Variants in KDM3A observed in about 807,000 individuals in gnomAD.
The protein encoded by KDM3A is lysine-specific demethylase 3A.
A neutral mutation model predicts 158.0 loss-of-function variants in KDM3A; 60 were observed. The observed-to-expected ratio is 0.38, with a 90% CI of 0.31 to 0.47. KDM3A has a LOEUF of 0.47. Ranked by LOEUF, KDM3A falls within the 20% of genes least tolerant of loss-of-function variation. The probability of loss-of-function intolerance (pLI) is 0.99; values close to 1 mark genes in which losing one functional copy is unlikely to be tolerated. For synonymous variants in KDM3A, 608 were observed against 549.3 expected, an observed-to-expected ratio of 1.11 and a Z score of -1.49; for missense variants, 1,319 against 1,574.3, an observed-to-expected ratio of 0.84 and a Z score of 2.74.
At chr2:86,478,462 C>G (rs1444666835) in intron 14 of KDM3A, 146 bp from the exon 15 acceptor site, 5 of 960,908 alleles carry the variant, frequency 5.2e-6, no homozygotes, top group Admixed American at 5.3e-5. Flanking sequence ...AAAGAAAATG[C>G]ATTTTGGGGA....
intron 2 of KDM3A, among the ~76,000 whole-genome samples, chr2:86,446,124 G>T (rs1048163144): frequency 1.1e-4 from 16 of 152,248 alleles, no homozygotes; most frequent in Admixed American, 7.2e-4. Flanking sequence ...TTCTGTTGGG[G>T]AAACATTGGC....
chr2:86,460,133 G>A (rs753656391), intron 8 of KDM3A, among the ~76,000 whole-genome samples: 15 of 152,242 alleles, frequency 9.9e-5, no homozygotes, highest in Non-Finnish European at 7.4e-5. Context: ...GAGACTCTCT[G>A]TTTACATTTT....
At chr2:86,485,501 C>G (rs545067812) in intron 20 of KDM3A, among the ~76,000 whole-genome samples, 1 of 152,188 alleles carries the variant, frequency 6.6e-6, no homozygotes, top group Non-Finnish European at 1.5e-5. Context: ...TTGCTGAGAT[C>G]TTTTGTCTGA....
At chr2:86,465,004 T>C (rs112676345) in intron 9 of KDM3A, among the ~76,000 whole-genome samples, 316 of 152,234 alleles carry the variant, frequency 2.1e-3, no homozygotes, top group African/African-American at 7.3e-3. Flanking sequence ...GTCTTCAAAA[T>C]AGAAACGGAG....
intron 21 of KDM3A, chr2:86,488,060 C>T (rs1408076707): frequency 2.0e-5 from 3 of 152,180 alleles, no homozygotes; most frequent in African/African-American, 4.8e-5. Flanking sequence ...CTTATATTTA[C>T]AATTTTAACA....
Position 86,480,285 on chromosome 2 carries a change from C to T in KDM3A, c.2435C>T (p.Pro812Leu). Reference sequence around the variant, plus strand: ...TCCAAGCCAGCCGGCAGCATGAAGCCTGCCTGTCCAGCCAGCACATCTCCT... The same window carrying T: ...TCCAAGCCAGCCGGCAGCATGAAGCTTGCCTGTCCAGCCAGCACATCTCCT... Reference protein sequence around the residue: ...AASKPAGSMKPACPASTSPLN... With the variant: ...AASKPAGSMKLACPASTSPLN... The change falls in exon 16 of 26, where the codon CCT becomes CTT. Residue 812 changes from proline (P) to leucine (L), a missense_variant. By Grantham distance (98) the Pro-to-Leu change is moderately conservative. This residue lies in a region of KDM3A where 368 missense variants were observed against 415.8 expected (regional missense o/e 0.89). Transcript: ENST00000312912. 1 of 1,614,114 alleles carries T rather than the reference C, an allele frequency of 6.2e-7. No homozygotes were observed. The highest frequency in any genetic ancestry group is 1.1e-5 in the South Asian group (1 of 91,068).
At chr2:86,454,553 A>C (rs952247155) in intron 4 of KDM3A, among the ~76,000 whole-genome samples, 4 of 152,188 alleles carry the variant, frequency 2.6e-5, no homozygotes, top group Non-Finnish European at 5.9e-5. Flanking sequence ...AGTTATGGTC[A>C]TCTACCCCTG....
intron 2 of KDM3A, among the ~76,000 whole-genome samples, chr2:86,445,144 A>G (rs1423182889): frequency 6.6e-6 from 1 of 152,162 alleles, no homozygotes; most frequent in Non-Finnish European, 1.5e-5. Flanking sequence ...AGGTTAGAGC[A>G]TTTTATTTTG....
At chr2:86,459,955 A>G (rs1001436698) in intron 8 of KDM3A, among the ~76,000 whole-genome samples, 1 of 152,216 alleles carries the variant, frequency 6.6e-6, no homozygotes, top group Non-Finnish European at 1.5e-5. Flanking sequence ...CTTGAGCTCT[A>G]TGCTAGTCAC....
chr2:86,466,767 C>T lies in KDM3A; in HGVS notation c.1403C>T (p.Ser468Leu). Residue 468 changes from serine to leucine, a missense_variant, in exon 10 of 26, where the codon TCA (serine) becomes TTA (leucine). Transcript: ENST00000312912. ...AATAGTGATAGCCCTAATAACTGTT[C>T]AGGAAAAAAGGTAGAACCTTCAGCT... is the stretch of plus-strand genomic sequence containing the variant. The part of the protein sequence containing the change: ...GVNSDSPNNC[S>L]GKKVEPSALA... The T allele has an allele frequency of 6.2e-7, 1 of 1,613,170 alleles. No homozygotes were observed.
intron 8 of KDM3A, among the ~76,000 whole-genome samples, chr2:86,461,279 C>T (rs942083233): frequency 7.2e-5 from 11 of 152,158 alleles, no homozygotes; most frequent in South Asian, 2.1e-4. Context: ...GCAGATTTCT[C>T]CTTTCTTCCC....
chr2:86,449,124 C>T (rs1234828296), intron 2 of KDM3A, among the ~76,000 whole-genome samples: 2 of 152,176 alleles, frequency 1.3e-5, no homozygotes, highest in Non-Finnish European at 2.9e-5. Flanking sequence ...ATTACAATTA[C>T]TTGGAAAACA....
Position 86,480,337 on chromosome 2 carries a change from C to A in KDM3A, c.2487C>A (p.Ser829Arg). 6.2e-7 allele frequency: 1 copy of A among 1,612,782 alleles called. No homozygotes were observed. The highest frequency in any genetic ancestry group is 8.5e-7 in the Non-Finnish European group (1 of 1,179,176). ...SPLNWLADLT[S>R]GNVNKENKEK... is the part of the protein sequence containing the mutation. ...TAAACTGGCTGGCCGACCTAACCAG[C>A]GGGAATGTCAACAAGGAAAACAAGG... Residue 829 changes from serine (S) to arginine (R), a missense_variant, in exon 16 of 26, where the codon AGC (serine) becomes AGA (arginine). Physicochemically the swap from Ser to Arg is moderately radical, Grantham distance 110 (BLOSUM62 -1). Around this residue, in one of 4 missense-constraint regions of KDM3A, gnomAD observed 368 missense variants for 415.8 expected, o/e 0.89. Coordinates refer to ENST00000312912, the MANE Select transcript of KDM3A (RefSeq NM_018433.6).
intron 8 of KDM3A, among the ~76,000 whole-genome samples, chr2:86,457,935 G>A (rs747305883): frequency 1.3e-5 from 2 of 152,132 alleles, no homozygotes; most frequent in Non-Finnish European, 2.9e-5. Flanking sequence ...TCTTTTAGGT[G>A]AATTAAATCA....
chr2:86,464,913 A>G (rs917955545), intron 9 of KDM3A, among the ~76,000 whole-genome samples: 10 of 152,176 alleles, frequency 6.6e-5, no homozygotes, highest in African/African-American at 1.7e-4. Flanking sequence ...GGCTGAGCAC[A>G]CTGGTTCACT....
chr2:86,467,294 G>C, intron 10 of KDM3A: 1 of 156,410 alleles, frequency 6.4e-6, no homozygotes, highest in South Asian at 1.9e-4. Context: ...GTAATCTGGT[G>C]TTTACTTTAT....
intron 19 of KDM3A, 40 bp from the exon 20 acceptor site, chr2:86,484,902 G>A: frequency 1.5e-6 from 2 of 1,293,608 alleles, no homozygotes; most frequent in Non-Finnish European, 2.2e-6. Context: ...GTCTGTTTCT[G>A]AATTATAAAT....
chr2:86,442,290 G>C, intron 2 of KDM3A, 57 bp downstream of exon 2: 1 of 1,498,106 alleles, frequency 6.7e-7, no homozygotes. Context: ...GTGGTAACGC[G>C]ACCATCGGTT....
intron 12 of KDM3A, among the ~76,000 whole-genome samples, chr2:86,475,788 CTTT>C (rs952046363): frequency 2.0e-5 from 3 of 152,208 alleles, no homozygotes; most frequent in Admixed American, 2.0e-4. Flanking sequence ...TGGTGTGTCT[CTTT>C]TTAGACTTTG....
Sources: gnomAD v4.1 joint callset for allele counts (sites outside exome capture counted in the v4.1 genomes callset) on GRCh38, gnomAD v4.1.1 for gene constraint, gnomAD v4.1.1 regional missense constraint, MANE v1.5 for transcripts, NCBI Gene and HGNC (gene_info 2026-07-23, HGNC 2026-07-21) for gene names.